The following MBOAT1 variants were observed in gnomAD, a reference collection of about 807,000 sequenced individuals.
The protein encoded by MBOAT1 is membrane bound glycerophospholipid O-acyltransferase 1, also known as membrane-bound glycerophospholipid O-acyltransferase 1.
In MBOAT1, 67 loss-of-function variants were observed where a neutral mutation model predicts 64.4. The observed-to-expected ratio is 1.04, with a 90% CI of 0.85 to 1.27. The LOEUF (loss-of-function observed/expected upper bound fraction) is 1.27. MBOAT1 is among the 50% of genes most tolerant of loss of function. MBOAT1 has a pLI of 0.00. For synonymous variants in MBOAT1, 229 were observed against 218.9 expected (o/e 1.05, Z -0.41); for missense variants, 563 against 604.6 (o/e 0.93, Z 0.72).
At chr6:20,113,092 GCA>G in intron 10 of MBOAT1, 84 bp from the exon 11 acceptor site, 1 of 1,497,878 alleles carries the variant, frequency 6.7e-7, no homozygotes, top group Non-Finnish European at 8.9e-7. Flanking sequence ...ATAAGACCAT[GCA>G]GAAAGCATTT....
intron 8 of MBOAT1, among the ~76,000 whole-genome samples, chr6:20,120,138 C>T (rs1760453551): frequency 6.6e-6 from 1 of 152,050 alleles, no homozygotes; most frequent in African/African-American, 2.4e-5. Flanking sequence ...CGGGGGGAAA[C>T]TGGACAGGTT....
rs577756244 is a variant in MBOAT1 at position 20,118,493 on chromosome 6, T to C, written c.955A>G (p.Lys319Glu). Reference protein sequence around the residue: ...AAGFGFSGVDKNGNFCWDLLS... With the variant: ...AAGFGFSGVDENGNFCWDLLS... ...AGATCCCAACAGAAATTCCCATTCT[T>C]ATCCACTCCGCTGAACCCAAAGCCA... Residue 319 changes from lysine (K) to glutamate (E), a missense_variant, in exon 9 of 13, where the codon AAG (lysine) becomes GAG (glutamate). Physicochemically the swap from Lys to Glu is moderately conservative, Grantham distance 56 (BLOSUM62 1). Transcript: ENST00000324607. The C allele has an allele frequency of 6.2e-7, 1 of 1,614,056 alleles. No homozygotes were observed. The highest frequency in any genetic ancestry group is 1.1e-5 in the South Asian group (1 of 91,084).
chr6:20,168,667 AAGAG>A (rs1156622531), intron 1 of MBOAT1, among the ~76,000 whole-genome samples: 142 of 137,076 alleles, frequency 1.0e-3, no homozygotes, highest in African/African-American at 3.3e-3. Flanking sequence ...GAAAGAGAGA[AAGAG>A]AGAGAGAAGG....
intron 12 of MBOAT1, among the ~76,000 whole-genome samples, chr6:20,102,878 G>A (rs1010467436): frequency 3.3e-5 from 5 of 152,098 alleles, no homozygotes; most frequent in African/African-American, 1.2e-4. Flanking sequence ...TAGTGACGTC[G>A]TAGCCATCGT....
chr6:20,172,063 C>G (rs1266673579), intron 1 of MBOAT1, among the ~76,000 whole-genome samples: 2 of 151,460 alleles, frequency 1.3e-5, no homozygotes, highest in African/African-American at 4.9e-5. Context: ...CAAAAACAAA[C>G]AAGAAGAAGA....
intron 1 of MBOAT1, 167 bp downstream of exon 1, chr6:20,211,969 A>AAAAC: frequency 2.2e-6 from 1 of 455,744 alleles, no homozygotes; most frequent in Non-Finnish European, 3.9e-6. Context: ...AAGAAGGGAA[A>AAAAC]ACACACACAC....
chr6:20,180,638 A>G (rs1165189387), intron 1 of MBOAT1, among the ~76,000 whole-genome samples: 1 of 152,210 alleles, frequency 6.6e-6, no homozygotes, highest in Non-Finnish European at 1.5e-5. Flanking sequence ...TGAACCTGAC[A>G]ACAAAATCCC....
chr6:20,206,912 C>T (rs1763282069), intron 1 of MBOAT1, among the ~76,000 whole-genome samples: 2 of 152,100 alleles, frequency 1.3e-5, no homozygotes, highest in South Asian at 4.1e-4. Flanking sequence ...CTCTCACTTC[C>T]TCTGCACCTG....
At chr6:20,159,162 G>C (rs1195245383) in intron 1 of MBOAT1, among the ~76,000 whole-genome samples, 3 of 152,164 alleles carry the variant, frequency 2.0e-5, no homozygotes, top group South Asian at 4.2e-4. Context: ...CCAACCCCCA[G>C]GCCATGGGCC....
At chr6:20,143,326 C>T (rs1267168694) in intron 4 of MBOAT1, among the ~76,000 whole-genome samples, 6 of 152,164 alleles carry the variant, frequency 3.9e-5, no homozygotes, top group African/African-American at 1.4e-4. Context: ...GAATGCGTGG[C>T]CCACCACATT....
chr6:20,184,101 C>A (rs1309163818), intron 1 of MBOAT1, among the ~76,000 whole-genome samples: 1 of 152,162 alleles, frequency 6.6e-6, no homozygotes. Context: ...GGGGACACAG[C>A]CAAACCATGT....
intron 5 of MBOAT1, 67 bp from the exon 6 acceptor site, chr6:20,128,820 G>A (rs1485875041): frequency 2.6e-6 from 3 of 1,138,354 alleles, no homozygotes; most frequent in Non-Finnish European, 2.5e-6. Context: ...TTATAAAAGG[G>A]TCTTATCAAA....
chr6:20,161,961 AG>A (rs1761877890), intron 1 of MBOAT1, among the ~76,000 whole-genome samples: 4 of 152,112 alleles, frequency 2.6e-5, no homozygotes, highest in Admixed American at 2.6e-4. Context: ...GGGTGTCGGC[AG>A]GGTTGGTTTC....
intron 11 of MBOAT1, among the ~76,000 whole-genome samples, chr6:20,111,881 T>TATATACATATATATAC (rs1760178976): frequency 1.3e-5 from 1 of 79,840 alleles, no homozygotes; most frequent in Admixed American, 1.2e-4. Flanking sequence ...TATATATATG[T>TATATACATATATATAC]ATATATATAT....
intron 12 of MBOAT1, among the ~76,000 whole-genome samples, chr6:20,108,663 A>C (rs1384161126): frequency 6.6e-6 from 1 of 152,220 alleles, no homozygotes; most frequent in Non-Finnish European, 1.5e-5. Flanking sequence ...GTAACTATTT[A>C]AAAAATGATA....
chr6:20,165,606 G>A (rs992910264), intron 1 of MBOAT1, among the ~76,000 whole-genome samples: 1 of 152,026 alleles, frequency 6.6e-6, no homozygotes, highest in African/African-American at 2.4e-5. Flanking sequence ...AGCCAGGCAT[G>A]GTGGCACACA....
intron 1 of MBOAT1, among the ~76,000 whole-genome samples, chr6:20,177,740 C>CT (rs1435911267): frequency 6.9e-6 from 1 of 145,336 alleles, no homozygotes; most frequent in Non-Finnish European, 1.5e-5. Flanking sequence ...TGCCACTGTG[C>CT]TCCAGCCTGG....
intron 8 of MBOAT1, among the ~76,000 whole-genome samples, chr6:20,121,903 G>A (rs935151918): frequency 2.0e-5 from 3 of 152,184 alleles, no homozygotes; most frequent in Non-Finnish European, 4.4e-5. Context: ...AGTGGCTCAT[G>A]TCTGTAATCT....
At chr6:20,148,990 AC>A (rs1027453980) in intron 3 of MBOAT1, among the ~76,000 whole-genome samples, 11 of 151,264 alleles carry the variant, frequency 7.3e-5, no homozygotes, top group African/African-American at 2.7e-4. Context: ...AGTCCCAGCT[AC>A]TCGGAAGGCT....
Sources: allele counts gnomAD v4.1 joint callset (sites outside exome capture counted in the v4.1 genomes callset), GRCh38; gene constraint gnomAD v4.1.1; transcripts MANE v1.5; gene names NCBI Gene and HGNC (gene_info 2026-07-23, HGNC 2026-07-21).